COX10: variants seen among roughly 807,000 people sequenced by gnomAD.
COX10 encodes protoheme IX farnesyltransferase, mitochondrial.
In COX10, 27 loss-of-function variants were observed where a neutral mutation model predicts 37.3. That is an observed-to-expected ratio of 0.72 (90% confidence interval 0.53 to 1.00). COX10 has a LOEUF of 1.00. Ranked by LOEUF, COX10 falls within the 50% of genes least tolerant of loss-of-function variation. The pLI, the probability that COX10 is intolerant of heterozygous loss-of-function variation, is 0.00. For missense variants in COX10, 475 were observed against 563.2 expected (o/e 0.84, Z 1.59); for synonymous variants, 222 against 229.1 (o/e 0.97, Z 0.28).
intron 4 of COX10, among the ~76,000 whole-genome samples, chr17:14,103,086 T>C (rs1915821486): frequency 6.6e-6 from 1 of 152,174 alleles, no homozygotes. Context: ...GAAGGATCAA[T>C]CTATTTCAAA....
At chr17:14,085,508 T>A (rs1915389767) in intron 3 of COX10, among the ~76,000 whole-genome samples, 1 of 152,176 alleles carries the variant, frequency 6.6e-6, no homozygotes, top group African/African-American at 2.4e-5. Flanking sequence ...AAATAAAGAT[T>A]TGTAATATCA....
intron 5 of COX10, among the ~76,000 whole-genome samples, chr17:14,180,450 T>C (rs1905823600): frequency 6.6e-6 from 1 of 152,132 alleles, no homozygotes; most frequent in Non-Finnish European, 1.5e-5. Context: ...TGCTTAGTCA[T>C]TACAATGGTT....
At chr17:14,079,655 T>C (rs1915234931) in intron 3 of COX10, among the ~76,000 whole-genome samples, 1 of 152,150 alleles carries the variant, frequency 6.6e-6, no homozygotes, top group Non-Finnish European at 1.5e-5. Context: ...AAATTTCCAT[T>C]AAATTAGTAT....
At chr17:14,095,613 C>G (rs1452199966) in intron 3 of COX10, among the ~76,000 whole-genome samples, 5 of 152,194 alleles carry the variant, frequency 3.3e-5, no homozygotes, top group Admixed American at 2.6e-4. Context: ...ACTGTTTCAA[C>G]AGGTAGAAGT....
At chr17:14,154,439 G>C (rs1467004369) in intron 4 of COX10, among the ~76,000 whole-genome samples, 2 of 152,106 alleles carry the variant, frequency 1.3e-5, no homozygotes, top group African/African-American at 4.8e-5. Context: ...TGTAATTCTT[G>C]ATGAGTGTTT....
At chr17:14,085,572 A>G (rs1403468603) in intron 3 of COX10, among the ~76,000 whole-genome samples, 2 of 152,160 alleles carry the variant, frequency 1.3e-5, no homozygotes, top group African/African-American at 2.4e-5. Flanking sequence ...GTATAGAAGT[A>G]TACCTTTATT....
intron 5 of COX10, among the ~76,000 whole-genome samples, chr17:14,166,785 CTTTTTT>C (rs57127092): frequency 2.0e-5 from 2 of 100,260 alleles, no homozygotes; most frequent in African/African-American, 3.7e-5. Context: ...CTATTTCTTT[CTTTTTT>C]TTTTTTTTTT....
At chr17:14,202,084 A>ATC (rs58971576) in intron 6 of COX10, among the ~76,000 whole-genome samples, 64,307 of 135,174 alleles carry the variant, frequency 0.48, 13,880 homozygotes, top group Admixed American at 0.52. Flanking sequence ...ATTAAAACAG[A>ATC]TCTCTCTCTT....
At chr17:14,202,986 G>A (rs575625566) in intron 6 of COX10, among the ~76,000 whole-genome samples, 1 of 152,044 alleles carries the variant, frequency 6.6e-6, no homozygotes, top group Non-Finnish European at 1.5e-5. Context: ...CAAGTCACCC[G>A]CATTGCATTA....
At position 14,128,960 on chromosome 17, in the gene COX10, C is replaced by T. The variant is rs551404596; in HGVS notation, c.624+26718C>T. On this transcript the variant is annotated intron_variant, in intron 4 of 6. Transcript: ENST00000261643. Reference sequence around the variant, plus strand: ...CTCCTGGGTTCAAGTGATTCTCATGCCTCAGCCCCCCAGTACCTGGTATTA... The same window carrying T: ...CTCCTGGGTTCAAGTGATTCTCATGTCTCAGCCCCCCAGTACCTGGTATTA... 2.0e-5 allele frequency among the ~76,000 whole-genome samples: 3 copies of T among 152,304 alleles called. No homozygotes were observed. The East Asian group carries it at 5.8e-4, about 29-fold the overall frequency.
chr17:14,198,750 A>C (rs937743020), intron 6 of COX10, among the ~76,000 whole-genome samples: 3 of 152,172 alleles, frequency 2.0e-5, no homozygotes, highest in Non-Finnish European at 2.9e-5. Flanking sequence ...AGTCGGAGTG[A>C]ATTTATTCAC....
intron 4 of COX10, among the ~76,000 whole-genome samples, chr17:14,140,019 C>T (rs1269252822): frequency 7.2e-5 from 11 of 152,102 alleles, no homozygotes; most frequent in Admixed American, 7.2e-4. Flanking sequence ...GAACTTTCTT[C>T]CTCAAACTAA....
At chr17:14,162,228 C>A (rs944093484) in intron 5 of COX10, among the ~76,000 whole-genome samples, 5 of 152,178 alleles carry the variant, frequency 3.3e-5, no homozygotes, top group African/African-American at 1.2e-4. Context: ...TTGTAGACCA[C>A]AATCACTTTC....
rs1206593697 is a variant in COX10, at chr17:14,074,403, A to G, written c.124A>G (p.Asn42Asp). The change falls in exon 2 of 7, where the codon AAT becomes GAT. Residue 42 changes from asparagine to aspartate, a missense_variant. By Grantham distance (23) the Asn-to-Asp change is conservative. This residue lies in a region of COX10 where 242 missense variants were observed against 242.5 expected (regional missense o/e 1.00). Transcript: ENST00000261643. Reference protein sequence around the residue: ...SPHKFLHLLRNVNKQWITFQH... With the variant: ...SPHKFLHLLRDVNKQWITFQH... ...TCACAAGTTCTTACATCTTCTCAGG[A>G]ATGTCAATAAGCAGTGGATTACATT... is the stretch of plus-strand genomic sequence containing the variant. 1.2e-6 allele frequency: 2 copies of G among 1,613,836 alleles called. No homozygotes were observed. The highest frequency in any genetic ancestry group is 2.2e-5 in the South Asian group (2 of 91,070).
chr17:14,073,350 G>GGATGTTCCTGAAGTCTTCA (rs369077844), intron 1 of COX10, among the ~76,000 whole-genome samples: 2 of 152,152 alleles, frequency 1.3e-5, no homozygotes, highest in East Asian at 1.9e-4. Context: ...GGAGAGTTCA[G>GGATGTTCCTGAAGTCTTCA]GATGTTCCTG....
At chr17:14,147,497 C>A (rs1460518849) in intron 4 of COX10, among the ~76,000 whole-genome samples, 1 of 151,922 alleles carries the variant, frequency 6.6e-6, no homozygotes, top group Non-Finnish European at 1.5e-5. Flanking sequence ...TTACCAGAGG[C>A]TGGGAAGGGT....
intron 6 of COX10, among the ~76,000 whole-genome samples, chr17:14,196,065 G>T (rs1183334451): frequency 2.6e-5 from 4 of 152,144 alleles, no homozygotes; most frequent in South Asian, 4.2e-4. Context: ...TGGCCAAAAA[G>T]GTTTCCCGTC....
intron 5 of COX10, among the ~76,000 whole-genome samples, chr17:14,174,640 T>C (rs192601424): frequency 1.2e-3 from 176 of 152,130 alleles, no homozygotes; most frequent in Middle Eastern, 3.4e-3. Context: ...AAAACAACAA[T>C]ACAGTGCTGA....
chr17:14,110,252 G>A (rs1466978024), intron 4 of COX10, among the ~76,000 whole-genome samples: 1 of 152,156 alleles, frequency 6.6e-6, no homozygotes, highest in East Asian at 1.9e-4. Flanking sequence ...ATGAATATAT[G>A]TATATATTTA....
Sources: allele counts gnomAD v4.1 joint callset (sites outside exome capture counted in the v4.1 genomes callset), GRCh38; gene constraint gnomAD v4.1.1; regional missense constraint gnomAD v4.1.1; transcripts MANE v1.5; gene names NCBI Gene and HGNC (gene_info 2026-07-23, HGNC 2026-07-21).